HCRTR2: variants seen among roughly 807,000 people sequenced by gnomAD.
HCRTR2 encodes hypocretin receptor 2, also known as orexin receptor type 2.
Under a neutral mutation model 49.0 loss-of-function variants are expected in HCRTR2, and 22 were observed. That is an observed-to-expected ratio of 0.45 (90% CI 0.32 to 0.64). HCRTR2 has a LOEUF of 0.64. Ranked by LOEUF, HCRTR2 falls within the 30% of genes least tolerant of loss-of-function variation. The pLI, the probability that HCRTR2 is intolerant of heterozygous loss-of-function variation, is 0.04. For missense variants in HCRTR2, 491 were observed against 559.4 expected (o/e 0.88, Z 1.23); for synonymous variants, 236 against 205.3 (o/e 1.15, Z -1.28).
intron 4 of HCRTR2, among the ~76,000 whole-genome samples, chr6:55,268,088 T>C (rs907675329): frequency 1.3e-5 from 2 of 152,154 alleles, no homozygotes; most frequent in Admixed American, 6.5e-5. Flanking sequence ...TTGGAGCAAA[T>C]TTGTTTTATA....
chr6:55,106,523 A>G (rs1372625035), exon 1 of HCRTR2: 2 of 152,102 alleles, frequency 1.3e-5, no homozygotes, highest in Non-Finnish European at 2.9e-5. Context: ...ATTTTTAGTG[A>G]AGGTGGAATT....
intron 1 of HCRTR2, among the ~76,000 whole-genome samples, chr6:55,121,617 T>C (rs919421452): frequency 2.6e-5 from 4 of 152,308 alleles, no homozygotes; most frequent in Non-Finnish European, 1.5e-5. Flanking sequence ...TAGCTCTTAT[T>C]ATTTTGAGAT....
chr6:55,226,117 A>G (rs1361056416), intron 1 of HCRTR2, among the ~76,000 whole-genome samples: 1 of 152,226 alleles, frequency 6.6e-6, no homozygotes, highest in East Asian at 1.9e-4. Flanking sequence ...AAATGTCACC[A>G]ACTCATGTAT....
chr6:55,191,200 T>C (rs1355813443), intron 1 of HCRTR2, among the ~76,000 whole-genome samples: 1 of 152,218 alleles, frequency 6.6e-6, no homozygotes, highest in African/African-American at 2.4e-5. Context: ...AGTAGAGTTA[T>C]TAGTGCGTAC....
intron 3 of HCRTR2, among the ~76,000 whole-genome samples, chr6:55,259,982 C>T (rs1766724306): frequency 6.6e-6 from 1 of 152,078 alleles, no homozygotes; most frequent in African/African-American, 2.4e-5. Flanking sequence ...ACAATCTATC[C>T]TACCCTGGAA....
chr6:55,137,346 A>G (rs1266431230), intron 1 of HCRTR2, among the ~76,000 whole-genome samples: 2 of 152,220 alleles, frequency 1.3e-5, no homozygotes, highest in Non-Finnish European at 2.9e-5. Context: ...AGTAGCCTGT[A>G]TTGCTCTGAG....
chr6:55,167,806 TC>T (rs1404579065), intron 1 of HCRTR2, among the ~76,000 whole-genome samples: 1 of 152,192 alleles, frequency 6.6e-6, no homozygotes, highest in Non-Finnish European at 1.5e-5. Flanking sequence ...TTTTCTGCCC[TC>T]TATTATTATT....
At chr6:55,228,457 T>A (rs930467571) in intron 1 of HCRTR2, among the ~76,000 whole-genome samples, 16 of 152,242 alleles carry the variant, frequency 1.1e-4, no homozygotes, top group African/African-American at 3.1e-4. Context: ...AATGTAAGAA[T>A]GTCTGTATCT....
intron 1 of HCRTR2, among the ~76,000 whole-genome samples, chr6:55,139,093 G>A (rs545320590): frequency 2.4e-4 from 37 of 152,248 alleles, no homozygotes; most frequent in Admixed American, 8.5e-4. Flanking sequence ...AGAAACCCAA[G>A]GTAGGAATGG....
chr6:55,164,926 G>A (rs903918383), intron 1 of HCRTR2, among the ~76,000 whole-genome samples: 2 of 151,994 alleles, frequency 1.3e-5, no homozygotes, highest in Non-Finnish European at 2.9e-5. Flanking sequence ...AGATGACATG[G>A]CAAAGGAATT....
At chr6:55,156,039 T>C (rs1485641942) in intron 1 of HCRTR2, among the ~76,000 whole-genome samples, 1 of 151,950 alleles carries the variant, frequency 6.6e-6, no homozygotes, top group African/African-American at 2.4e-5. Flanking sequence ...TTTAATATGG[T>C]GTTATGTGGA....
Position 55,129,942 on chromosome 6 carries a change from T to C in HCRTR2, c.-378+23397T>C, listed in dbSNP as rs533130710. Among the ~76,000 whole-genome samples the C allele has an allele frequency of 2.3e-3, 346 of 152,128 alleles. 1 individual carries two copies. The highest frequency in any genetic ancestry group is 8.2e-3 in the African/African-American group (340 of 41,560). On this transcript the variant is annotated intron_variant, in intron 1 of 7. Transcript: ENST00000615358. ...TTTCCGCTGCTTTTCCCTTACTTTG[T>C]ATTTAGTAATGCTAACCCACGTGTA...
intron 1 of HCRTR2, among the ~76,000 whole-genome samples, chr6:55,141,725 C>T (rs1764510703): frequency 6.6e-6 from 1 of 152,008 alleles, no homozygotes; most frequent in South Asian, 2.1e-4. Context: ...ACAAACAATA[C>T]AACTGGACAG....
chr6:55,253,680 T>A (rs1341331626), intron 2 of HCRTR2, among the ~76,000 whole-genome samples: 2 of 152,150 alleles, frequency 1.3e-5, no homozygotes, highest in Non-Finnish European at 2.9e-5. Flanking sequence ...ATATACACCA[T>A]GGAATACTAT....
In HCRTR2 at chr6:55,185,897, C is replaced by T. The variant is rs11760180; in HGVS notation, c.223+11087C>T. ...ACAATGTTTCCCTAAGCAATATATG[C>T]GTGCTCTAGAGTTTTCACAATTTCT... On this transcript the variant is annotated intron_variant, in intron 1 of 6. Transcript: ENST00000370862. Among the ~76,000 whole-genome samples, 569 of 152,252 alleles carry T rather than the reference C, an allele frequency of 3.7e-3. 1 individual carries two copies. The highest frequency in any genetic ancestry group is 6.5e-3 in the Non-Finnish European group (441 of 68,018).
chr6:55,180,227 A>T (rs9370399), intron 1 of HCRTR2, among the ~76,000 whole-genome samples: 17 of 152,218 alleles, frequency 1.1e-4, no homozygotes, highest in Non-Finnish European at 1.6e-4. Flanking sequence ...CTTACTCAAA[A>T]GTTTAGTCAG....
intron 1 of HCRTR2, among the ~76,000 whole-genome samples, chr6:55,240,189 C>G (rs1218214528): frequency 6.6e-6 from 1 of 151,488 alleles, no homozygotes; most frequent in Admixed American, 6.6e-5. Context: ...AACCCCGTCT[C>G]TACTAAAAAT....
At chr6:55,157,794 C>T (rs1313356278) in intron 1 of HCRTR2, among the ~76,000 whole-genome samples, 2 of 152,134 alleles carry the variant, frequency 1.3e-5, no homozygotes, top group Non-Finnish European at 2.9e-5. Flanking sequence ...CTGCAACAGC[C>T]AAAGCATTAT....
chr6:55,189,427 T>C (rs1177379163), intron 1 of HCRTR2, among the ~76,000 whole-genome samples: 2 of 152,090 alleles, frequency 1.3e-5, no homozygotes, highest in Non-Finnish European at 2.9e-5. Context: ...AAGATGGAAG[T>C]TGGCAACTCA....
Sources: gnomAD v4.1 joint callset for allele counts (sites outside exome capture counted in the v4.1 genomes callset) on GRCh38, gnomAD v4.1.1 for gene constraint, MANE v1.5 for transcripts, NCBI Gene and HGNC (gene_info 2026-07-23, HGNC 2026-07-21) for gene names.